ANGPTL5: variants seen among roughly 807,000 people sequenced by gnomAD.
ANGPTL5 encodes the protein angiopoietin-related protein 5.
ANGPTL5 carries 34 observed loss-of-function variants against 39.4 expected under a neutral mutation model. The ratio of observed to expected loss-of-function variants is 0.86; its 90% confidence interval spans 0.66 to 1.15. The LOEUF is 1.15. ANGPTL5 is among the 50% of genes most tolerant of loss of function. The pLI is 0.00. For missense variants in ANGPTL5, 467 were observed against 457.5 expected, an observed-to-expected ratio of 1.02 and a Z score of -0.19; for synonymous variants, 146 against 152.1, an observed-to-expected ratio of 0.96 and a Z score of 0.29.
rs1478742251 is a variant in ANGPTL5, at chr11:101,916,287, A to G, written c.-361T>C. The G allele has an allele frequency of 6.6e-6, 1 of 152,226 alleles. No individual in the cohort carries two copies. The highest frequency in any genetic ancestry group is 2.4e-5 in the African/African-American group (1 of 41,450). 9.4% of individuals were successfully genotyped at this position (152,226 alleles called of 1,614,324 possible). A position where few individuals can be genotyped will look rare whatever the true frequency, so the allele number is the denominator to read the frequency against. ...TAGGATGTTCTTTGTACTCTGTTAC[A>G]ATTTTAGCAGCAAGTCAACAATTTG... On this transcript the variant is annotated 5_prime_UTR_variant, in exon 1 of 9. Transcript: ENST00000334289.
chr11:101,891,591 T>C lies in ANGPTL5; in HGVS notation c.855A>G (p.Ala285=), dbSNP rs1311336808. The change falls in exon 9 of 9, where the codon GCA becomes GCG. Residue 285 remains alanine, a synonymous_variant. Transcript: ENST00000334289. ...LGRYSGNAGD[A]FRGLKKEDNQ... is the part of the protein sequence containing the mutation. ...TATCTTCTTTTTTGAGACCCCGGAA[T>C]GCATCACCTGGGAAAAAAATTTTTA... The C allele has an allele frequency of 6.2e-7, 1 of 1,613,888 alleles. No homozygotes were observed. The highest frequency in any genetic ancestry group is 1.7e-4 in the Middle Eastern group (1 of 6,060).
chr11:101,905,969 T>A, intron 3 of ANGPTL5, 122 bp from the exon 4 acceptor site: 1 of 650,084 alleles, frequency 1.5e-6, no homozygotes, highest in Admixed American at 2.5e-5. Flanking sequence ...TCTCAATTTA[T>A]CTTAATACTC....
intron 6 of ANGPTL5, among the ~76,000 whole-genome samples, chr11:101,900,883 C>G (rs947414461): frequency 7.3e-5 from 11 of 151,628 alleles, no homozygotes; most frequent in African/African-American, 2.2e-4. Context: ...ACAGAATCTC[C>G]CTCTGTCGCC....
At position 101,907,961 on chromosome 11, in the gene ANGPTL5, T is replaced by G. The variant is rs746939271; in HGVS notation, c.-52A>C. The G allele has an allele frequency of 7.7e-7, 1 of 1,296,232 alleles. No individual in the cohort carries two copies. Among genetic ancestry groups the G allele is most frequent in the Non-Finnish European group, 1.1e-6 (1 of 898,386 alleles). The allele number at this position is 1,296,232 out of a possible 1,614,324, so 80.3% of individuals were successfully genotyped here. Reference sequence around the variant, plus strand: ...TCTTCAAATATCAGTCAGCTCTTTGTGGAAAGAACTACAGAGCATAGAGTC... The same window carrying G: ...TCTTCAAATATCAGTCAGCTCTTTGGGGAAAGAACTACAGAGCATAGAGTC... On this transcript the variant is annotated 5_prime_UTR_variant, in exon 2 of 9. Transcript: ENST00000334289.
chr11:101,891,327 T>C lies in ANGPTL5; in HGVS notation c.1119A>G (p.Lys373=). ...TTCTTCTAATTTTCATTGAAACAGATTTAATCTTGACAGGTGAGTTGTTTT... is the reference window on the plus strand; with the variant it reads ...TTCTTCTAATTTTCATTGAAACAGACTTAATCTTGACAGGTGAGTTGTTTT... ...WTKNNSPVKI[K]SVSMKIRRMY... is the part of the protein sequence containing the mutation. The change falls in exon 9 of 9, where the codon AAA becomes AAG. Residue 373 remains lysine (K), a synonymous_variant. Coordinates refer to ENST00000334289, the MANE Select transcript of ANGPTL5 (RefSeq NM_178127.5). 1 of 1,613,946 alleles carries C rather than the reference T, an allele frequency of 6.2e-7. No individual in the cohort carries two copies. Among genetic ancestry groups the C allele is most frequent in the South Asian group, 1.1e-5 (1 of 91,078 alleles).
chr11:101,900,044 A>G (rs1939866291), intron 7 of ANGPTL5, among the ~76,000 whole-genome samples: 1 of 152,216 alleles, frequency 6.6e-6, no homozygotes, highest in Non-Finnish European at 1.5e-5. Context: ...TCAATTCGCC[A>G]TTTCATTGGC....
intron 1 of ANGPTL5, chr11:101,915,007 G>A: frequency 2.6e-6 from 1 of 391,516 alleles, no homozygotes; most frequent in Non-Finnish European, 4.6e-6. Context: ...CGTTGTCAAG[G>A]ACGCGCCGTC....
rs564536721 is a variant in ANGPTL5, at chr11:101,895,724, G to A, written c.662-660C>T. Among the ~76,000 whole-genome samples the A allele has an allele frequency of 2.6e-5, 4 of 152,056 alleles. No individual in the cohort carries two copies. In the South Asian group the frequency reaches 8.3e-4, roughly 32 times the overall value. ...GATGAAATATAAAACTCCCCAACTC[G>A]GACTGCATACTTCTTGCATACATAT... On this transcript the variant is annotated intron_variant, in intron 7 of 8. Coordinates refer to ENST00000334289, the MANE Select transcript of ANGPTL5 (RefSeq NM_178127.5).
chr11:101,906,987 G>T, intron 3 of ANGPTL5, 116 bp downstream of exon 3: 1 of 769,450 alleles, frequency 1.3e-6, no homozygotes, highest in Non-Finnish European at 2.0e-6. Flanking sequence ...TCTGGCCTAG[G>T]ATGATCAGGA....
At chr11:101,895,378 C>A (rs1213424099) in intron 7 of ANGPTL5, among the ~76,000 whole-genome samples, 1 of 152,020 alleles carries the variant, frequency 6.6e-6, no homozygotes, top group Non-Finnish European at 1.5e-5. Context: ...TTAAATTAGT[C>A]TTCATTTAAA....
intron 6 of ANGPTL5, among the ~76,000 whole-genome samples, chr11:101,902,117 C>T (rs183695337): frequency 6.6e-5 from 10 of 151,886 alleles, no homozygotes; most frequent in African/African-American, 2.4e-4. Context: ...TGCCTTGTAC[C>T]CCACTGAAAG....
At position 101,908,505 on chromosome 11, in the gene ANGPTL5, G is replaced by A. The variant is rs550120661; in HGVS notation, c.-92-504C>T. On this transcript the variant is annotated intron_variant, in intron 1 of 8. Coordinates refer to ENST00000334289, the MANE Select transcript of ANGPTL5 (RefSeq NM_178127.5). ...AAAATGCCAAATCTCAACGCTGGGC[G>A]CAGTGGCTCACGCCTGTAATCCCAA... Among the ~76,000 whole-genome samples, 143 of 152,206 alleles carry A rather than the reference G, an allele frequency of 9.4e-4. 2 individuals carry two copies. In the South Asian group the frequency reaches 0.013, roughly 14 times the overall value.
intron 5 of ANGPTL5, among the ~76,000 whole-genome samples, chr11:101,904,177 T>C (rs1206348370): frequency 6.6e-6 from 1 of 152,158 alleles, no homozygotes; most frequent in Non-Finnish European, 1.5e-5. Flanking sequence ...ACCTATCACA[T>C]AGAAGATTTT....
Position 101,907,939 on chromosome 11 carries a change from T to G in ANGPTL5, c.-30A>C, listed in dbSNP as rs778644014. Reference sequence around the variant, plus strand: ...TTCTTGGATAGATGAAAACACTTCTTCAAATATCAGTCAGCTCTTTGTGGA... The same window carrying G: ...TTCTTGGATAGATGAAAACACTTCTGCAAATATCAGTCAGCTCTTTGTGGA... On this transcript the variant is annotated 5_prime_UTR_variant, in exon 2 of 9. It removes the in-frame stop codon of an upstream open reading frame in the 5' UTR. Coordinates refer to ENST00000334289, the MANE Select transcript of ANGPTL5 (RefSeq NM_178127.5). The G allele has an allele frequency of 6.9e-7, 1 of 1,440,428 alleles. No individual in the cohort carries two copies. The highest frequency in any genetic ancestry group is 1.2e-5 in the South Asian group (1 of 86,906). 89.2% of individuals were successfully genotyped at this position (1,440,428 alleles called of 1,614,324 possible).
chr11:101,906,799 A>T (rs1282469147), intron 3 of ANGPTL5, among the ~76,000 whole-genome samples: 1 of 152,030 alleles, frequency 6.6e-6, no homozygotes, highest in African/African-American at 2.4e-5. Context: ...TCAGTCTGTC[A>T]CTTTCTATTA....
chr11:101,914,326 A>C (rs1181861315), intron 1 of ANGPTL5, among the ~76,000 whole-genome samples: 1 of 152,224 alleles, frequency 6.6e-6, no homozygotes, highest in African/African-American at 2.4e-5. Context: ...CATAGCCAAT[A>C]AACTAGTGTC....
At chr11:101,902,766 T>A in intron 5 of ANGPTL5, 45 bp from the exon 6 acceptor site, 1 of 1,247,684 alleles carries the variant, frequency 8.0e-7, no homozygotes, top group South Asian at 1.2e-5. Context: ...CAAATGTACA[T>A]TTAAGGCAAT....
chr11:101,897,772 T>C (rs1414772314), intron 7 of ANGPTL5, among the ~76,000 whole-genome samples: 2 of 152,206 alleles, frequency 1.3e-5, no homozygotes, highest in African/African-American at 4.8e-5. Context: ...GTAGTATAGT[T>C]TGAAGTCAGG....
chr11:101,903,973 G>GT (rs1939952996), intron 5 of ANGPTL5, among the ~76,000 whole-genome samples: 1 of 152,042 alleles, frequency 6.6e-6, no homozygotes, highest in Non-Finnish European at 1.5e-5. Flanking sequence ...CACATCAACT[G>GT]TAAGAGGTAG....
Sources: allele counts gnomAD v4.1 joint callset (sites outside exome capture counted in the v4.1 genomes callset), GRCh38; gene constraint gnomAD v4.1.1; transcripts MANE v1.5; gene names NCBI Gene and HGNC (gene_info 2026-07-23, HGNC 2026-07-21).